LY6S: variants seen among roughly 807,000 people sequenced by gnomAD.
LY6S encodes the protein lymphocyte antigen 6 family member S, also known as lymphocyte antigen 6S.
chr8:143,040,906 CG>C, the LY6S span, among the ~76,000 whole-genome samples: 1 of 152,070 alleles, frequency 6.6e-6, no homozygotes, highest in Non-Finnish European at 1.5e-5. Context: ...CCCCCTGAGC[CG>C]TAAAACCAGC....
the LY6S span, among the ~76,000 whole-genome samples, chr8:143,060,768 C>T: frequency 1.1e-3 from 163 of 152,268 alleles, no homozygotes; most frequent in Middle Eastern, 3.4e-3. Context: ...CATCTCCACA[C>T]ACGAGGAGAA....
the LY6S span, among the ~76,000 whole-genome samples, chr8:143,063,755 G>A: frequency 1.2e-3 from 181 of 152,346 alleles, 1 homozygote; most frequent in African/African-American, 4.1e-3. Flanking sequence ...TTTTACTGCA[G>A]GGTCATCTGG....
At chr8:143,067,722 CAT>C in the LY6S span, among the ~76,000 whole-genome samples, 38 of 152,192 alleles carry the variant, frequency 2.5e-4, no homozygotes, top group Admixed American at 6.5e-4. Flanking sequence ...AGCAGGGAAA[CAT>C]GTGAGCAAAG....
At chr8:143,070,485 ATATATTTTT>A in the LY6S span, among the ~76,000 whole-genome samples, 22 of 84,830 alleles carry the variant, frequency 2.6e-4, 1 homozygote, top group African/African-American at 7.5e-4. Context: ...AAATATATAT[ATATATTTTT>A]TTTTTTTTTT....
the LY6S span, chr8:143,065,803 C>CTTTCTTTCTTTCTTTT: frequency 6.9e-6 from 1 of 144,354 alleles, no homozygotes; most frequent in Non-Finnish European, 1.5e-5. Context: ...TTCTTTCTTT[C>CTTTCTTTCTTTCTTTT]TTTCTTTCTT....
At chr8:143,070,483 A>ATTTTTTTT in the LY6S span, among the ~76,000 whole-genome samples, 1 of 85,966 alleles carries the variant, frequency 1.2e-5, no homozygotes, top group African/African-American at 7.3e-5. Flanking sequence ...ATAAATATAT[A>ATTTTTTTT]TATATATTTT....
chr8:143,055,513 A>G, the LY6S span, among the ~76,000 whole-genome samples: 1 of 152,212 alleles, frequency 6.6e-6, no homozygotes, highest in Admixed American at 6.5e-5. Context: ...TCATTCTTTT[A>G]AAAAACCTTG....
chr8:143,040,840 A>T, the LY6S span, among the ~76,000 whole-genome samples: 4 of 152,180 alleles, frequency 2.6e-5, no homozygotes, highest in South Asian at 2.1e-4. Context: ...CAAAAGAGAG[A>T]AATTTCAAAG....
At chr8:143,057,497 C>G in the LY6S span, 6 of 705,310 alleles carry the variant, frequency 8.5e-6, no homozygotes, top group Admixed American at 1.2e-4. Context: ...ATCCGCCCGC[C>G]CCGGCCTCCC....
the LY6S span, among the ~76,000 whole-genome samples, chr8:143,068,176 T>A: frequency 2.6e-5 from 4 of 152,190 alleles, no homozygotes; most frequent in Admixed American, 1.3e-4. Context: ...GTGCATTGTG[T>A]CCCTGGTTAA....
At chr8:143,070,399 AT>A in the LY6S span, among the ~76,000 whole-genome samples, 31 of 126,092 alleles carry the variant, frequency 2.5e-4, no homozygotes, top group Admixed American at 1.5e-3. Context: ...ATTTATATAT[AT>A]TTTTTATTTA....
the LY6S span, among the ~76,000 whole-genome samples, chr8:143,041,442 G>A: frequency 0.6 from 91,346 of 152,066 alleles, 27,829 homozygotes; most frequent in South Asian, 0.68. Flanking sequence ...TTCCCTGAAC[G>A]TTGCTGTTAC....
chr8:143,073,525 CCAT>C, the LY6S span, among the ~76,000 whole-genome samples: 1 of 149,952 alleles, frequency 6.7e-6, no homozygotes, highest in African/African-American at 2.5e-5. Flanking sequence ...GAGAAGACAG[CCAT>C]CGTCCTCGGG....
chr8:143,064,933 T>A, the LY6S span, among the ~76,000 whole-genome samples: 2 of 152,212 alleles, frequency 1.3e-5, no homozygotes, highest in Middle Eastern at 3.2e-3. Context: ...CCAGAGAGCC[T>A]GCTCGTCTGC....
At chr8:143,076,051 G>A in the LY6S span, among the ~76,000 whole-genome samples, 3 of 152,164 alleles carry the variant, frequency 2.0e-5, no homozygotes, top group South Asian at 2.1e-4. Context: ...ATAACAATCT[G>A]TACCTTTAGG....
At chr8:143,066,417 C>T in the LY6S span, 4 of 197,608 alleles carry the variant, frequency 2.0e-5, no homozygotes, top group South Asian at 3.3e-4. Context: ...CCACCTTGGT[C>T]TCCCAAAGTG....
At chr8:143,072,203 C>CCCT in the LY6S span, among the ~76,000 whole-genome samples, 10,640 of 147,468 alleles carry the variant, frequency 0.072, 1,704 homozygotes, top group African/African-American at 0.15. Flanking sequence ...AGACAGCCGT[C>CCCT]ATTCTGGGGG....
At chr8:143,072,480 C>T in the LY6S span, among the ~76,000 whole-genome samples, 5 of 87,512 alleles carry the variant, frequency 5.7e-5, no homozygotes, top group African/African-American at 1.3e-4. Context: ...GCCGTCCTCC[C>T]CGGGGTCCCT....
At chr8:143,074,333 T>C in the LY6S span, among the ~76,000 whole-genome samples, 1 of 152,138 alleles carries the variant, frequency 6.6e-6, no homozygotes, top group African/African-American at 2.4e-5. Flanking sequence ...TGCATGTGTG[T>C]ATGTGGGTGT....
Sources: gnomAD v4.1 joint callset for allele counts (sites outside exome capture counted in the v4.1 genomes callset) on GRCh38, gnomAD v4.1.1 for gene constraint, MANE v1.5 for transcripts, NCBI Gene and HGNC (gene_info 2026-07-23, HGNC 2026-07-21) for gene names.